The following MRPL1 variants were observed in gnomAD, a reference collection of about 807,000 sequenced individuals.
The protein encoded by MRPL1 is mitochondrial ribosomal protein L1.
A neutral mutation model predicts 38.0 loss-of-function variants in MRPL1; 28 were observed. The observed-to-expected ratio is 0.74, with a 90% CI of 0.55 to 1.01. The LOEUF (loss-of-function observed/expected upper bound fraction) is 1.01. Ranked by LOEUF, MRPL1 falls within the 50% of genes least tolerant of loss-of-function variation. MRPL1 has a pLI of 0.00. For synonymous variants in MRPL1, 123 were observed against 126.7 expected, an observed-to-expected ratio of 0.97 and a Z score of 0.20; for missense variants, 358 against 389.8, an observed-to-expected ratio of 0.92 and a Z score of 0.69.
intron 4 of MRPL1, 81 bp downstream of exon 4, chr4:77,885,420 G>A: frequency 9.4e-7 from 1 of 1,061,978 alleles, no homozygotes; most frequent in African/African-American, 1.6e-5. Flanking sequence ...AGTCTGGAGT[G>A]CAGTGGGGCA....
At chr4:77,937,463 C>T (rs1737013166) in intron 7 of MRPL1, among the ~76,000 whole-genome samples, 2 of 152,196 alleles carry the variant, frequency 1.3e-5, no homozygotes, top group Non-Finnish European at 2.9e-5. Context: ...GGGGTAGATG[C>T]CTGAAGAGGA....
intron 7 of MRPL1, among the ~76,000 whole-genome samples, chr4:77,924,662 C>T (rs981538866): frequency 3.3e-5 from 5 of 152,114 alleles, no homozygotes; most frequent in African/African-American, 1.2e-4. Flanking sequence ...TCTCTCCTTC[C>T]TACTAGAGTG....
chr4:77,943,259 A>G (rs1737177090), intron 7 of MRPL1, among the ~76,000 whole-genome samples: 1 of 151,856 alleles, frequency 6.6e-6, no homozygotes, highest in African/African-American at 2.4e-5. Flanking sequence ...TGTTAATCTG[A>G]TGGGTTTTCC....
At chr4:77,906,897 A>T in intron 6 of MRPL1, 1 of 878,456 alleles carries the variant, frequency 1.1e-6, no homozygotes, top group Non-Finnish European at 1.4e-6. Flanking sequence ...GAAAAAACTT[A>T]GTATTTTTTA....
At chr4:77,944,946 C>G (rs1055630245) in intron 7 of MRPL1, among the ~76,000 whole-genome samples, 2 of 152,000 alleles carry the variant, frequency 1.3e-5, no homozygotes, top group East Asian at 3.9e-4. Flanking sequence ...TTGGCCACTC[C>G]TTACCATGTG....
chr4:77,935,946 A>AAAAT, intron 7 of MRPL1, among the ~76,000 whole-genome samples: 1 of 150,392 alleles, frequency 6.6e-6, no homozygotes, highest in Non-Finnish European at 1.5e-5. Flanking sequence ...AAAAAAAAAA[A>AAAAT]AGTAAACTCT....
chr4:77,894,275 T>C (rs757167948), intron 6 of MRPL1, 25 bp downstream of exon 6: 31 of 1,380,258 alleles, frequency 2.2e-5, no homozygotes, highest in Non-Finnish European at 3.0e-5. Context: ...ATTATTTCAA[T>C]ATCCTGTCAA....
At chr4:77,869,941 A>G (rs188198469) in intron 1 of MRPL1, among the ~76,000 whole-genome samples, 1 of 151,998 alleles carries the variant, frequency 6.6e-6, no homozygotes, top group Admixed American at 6.6e-5. Context: ...GGAGTGGAAT[A>G]GTGAGATCAG....
At chr4:77,914,418 A>G (rs1736369149) in intron 7 of MRPL1, among the ~76,000 whole-genome samples, 1 of 152,226 alleles carries the variant, frequency 6.6e-6, no homozygotes, top group African/African-American at 2.4e-5. Context: ...CTACTAAGAA[A>G]CATTGAATTT....
At chr4:77,943,556 GTTTA>G (rs985123482) in intron 7 of MRPL1, among the ~76,000 whole-genome samples, 3 of 151,764 alleles carry the variant, frequency 2.0e-5, no homozygotes, top group Non-Finnish European at 4.4e-5. Context: ...TGGAGGCTTT[GTTTA>G]TTTATTTATT....
In MRPL1 at chr4:77,935,013, A is replaced by G. The variant is rs542895650; in HGVS notation, c.778-14784A>G. On this transcript the variant is annotated intron_variant, in intron 7 of 8. Transcript: ENST00000315567. ...GATAGAAAGTAGAATGGTGGTTGCC[A>G]GGGGCTGGAGGAAGGGGGCAATGGG... Among the ~76,000 whole-genome samples the G allele has an allele frequency of 5.3e-5, 8 of 152,326 alleles. No homozygotes were observed. In the South Asian group the frequency reaches 1.7e-3, roughly 32 times the overall value.
At chr4:77,882,072 A>G (rs77299324) in intron 2 of MRPL1, among the ~76,000 whole-genome samples, 7,744 of 152,190 alleles carry the variant, frequency 0.051, 240 homozygotes, top group African/African-American at 0.087. Context: ...GAGTCAGCCA[A>G]TCTTGTTTAC....
chr4:77,877,519 G>T (rs1735426313), intron 2 of MRPL1, among the ~76,000 whole-genome samples: 1 of 151,324 alleles, frequency 6.6e-6, no homozygotes, highest in African/African-American at 2.4e-5. Context: ...GGGGTGGGGT[G>T]GGGTGGGTCA....
intron 6 of MRPL1, among the ~76,000 whole-genome samples, chr4:77,895,335 T>C (rs1735887360): frequency 6.6e-6 from 1 of 152,056 alleles, no homozygotes; most frequent in African/African-American, 2.4e-5. Flanking sequence ...ATATTAGGAC[T>C]TAGCAATTAA....
chr4:77,919,344 G>T (rs2110252972), intron 7 of MRPL1, among the ~76,000 whole-genome samples: 1 of 152,078 alleles, frequency 6.6e-6, no homozygotes, highest in East Asian at 1.9e-4. Flanking sequence ...TTACATTGTT[G>T]CTGGGTTTTC....
At chr4:77,869,719 A>G (rs1232035834) in intron 1 of MRPL1, among the ~76,000 whole-genome samples, 2 of 152,148 alleles carry the variant, frequency 1.3e-5, no homozygotes, top group Non-Finnish European at 2.9e-5. Flanking sequence ...CCTCTCAGGT[A>G]GCTGGGATTA....
intron 7 of MRPL1, among the ~76,000 whole-genome samples, chr4:77,919,953 A>G (rs1276893460): frequency 6.6e-6 from 1 of 151,990 alleles, no homozygotes; most frequent in Non-Finnish European, 1.5e-5. Context: ...TGTAGTTTTC[A>G]TAGGTTTTAG....
chr4:77,905,445 C>T (rs951480247), intron 6 of MRPL1, among the ~76,000 whole-genome samples: 4 of 131,478 alleles, frequency 3.0e-5, no homozygotes, highest in Admixed American at 9.8e-5. Flanking sequence ...TGCAGTGAGC[C>T]GAGATCGCAC....
intron 4 of MRPL1, among the ~76,000 whole-genome samples, chr4:77,886,433 C>T (rs1374479180): frequency 1.3e-5 from 2 of 151,904 alleles, no homozygotes; most frequent in African/African-American, 4.8e-5. Flanking sequence ...CTCCTGGGTT[C>T]AAGTGATTCT....
Sources: allele counts gnomAD v4.1 joint callset (sites outside exome capture counted in the v4.1 genomes callset), GRCh38; gene constraint gnomAD v4.1.1; transcripts MANE v1.5; gene names NCBI Gene and HGNC (gene_info 2026-07-23, HGNC 2026-07-21).